The following ALG9 variants were observed in gnomAD, a reference collection of about 807,000 sequenced individuals.
ALG9 encodes the protein alpha-1,2-mannosyltransferase ALG9.
Under a neutral mutation model 81.8 loss-of-function variants are expected in ALG9, and 55 were observed. The observed-to-expected ratio is 0.67, with a 90% CI of 0.54 to 0.84. The LOEUF (loss-of-function observed/expected upper bound fraction) is 0.84, where lower values mean the gene tolerates loss of function less well. Among genes scored for constraint, ALG9 ranks in the 40% least tolerant of loss-of-function variants. The pLI is 0.00. For missense variants in ALG9, 629 were observed against 745.0 expected (o/e 0.84, Z 1.81); for synonymous variants, 278 against 274.3 (o/e 1.01, Z -0.13).
intron 14 of ALG9, among the ~76,000 whole-genome samples, chr11:111,799,388 G>A (rs1168399606): frequency 1.3e-5 from 2 of 151,206 alleles, no homozygotes; most frequent in Non-Finnish European, 2.9e-5. Flanking sequence ...TGATCCGCTC[G>A]CCTTGGCCTC....
intron 1 of ALG9, among the ~76,000 whole-genome samples, 187 bp from the exon 2 acceptor site, chr11:111,870,557 A>C (rs1555157631): frequency 1.3e-5 from 2 of 152,092 alleles, no homozygotes; most frequent in Non-Finnish European, 2.9e-5. Flanking sequence ...TCAGATTTTT[A>C]AGAAAAAATT....
intron 14 of ALG9, among the ~76,000 whole-genome samples, chr11:111,804,132 C>CAAAAAAAAAAAAAAAAAAAA (rs140492079): frequency 2.3e-5 from 2 of 85,370 alleles, no homozygotes; most frequent in South Asian, 3.8e-4. Context: ...GACTCCATCT[C>CAAAAAAAAAAAAAAAAAAAA]AAAAAAAAAA....
intron 3 of ALG9, among the ~76,000 whole-genome samples, chr11:111,867,416 G>A (rs953361147): frequency 2.0e-5 from 3 of 152,008 alleles, no homozygotes; most frequent in South Asian, 2.1e-4. Context: ...AATTTAAAGC[G>A]GGCTTTGTAA....
In ALG9 at chr11:111,871,447, G is replaced by A; in HGVS notation, c.36C>T (p.Gly12=). The A allele has an allele frequency of 6.5e-7, 1 of 1,536,644 alleles. No homozygotes were observed. The highest frequency in any genetic ancestry group is 8.7e-7 in the Non-Finnish European group (1 of 1,146,702). Residue 12 remains glycine (G), a synonymous_variant, in exon 1 of 15, where the codon GGC becomes GGT. Transcript: ENST00000616540. The part of the protein sequence containing the change: ...ASRGARQRLK[G]SGASSGDTAP... The stretch of plus-strand genomic sequence containing the variant: ...CCGTATCCCCACTGCTGGCCCCGCT[G>A]CCCTTCAGGCGCTGCCGAGCCCCTC...
the ALG9 span, among the ~76,000 whole-genome samples, chr11:111,776,723 T>C: frequency 6.6e-6 from 1 of 152,324 alleles, no homozygotes; most frequent in South Asian, 2.1e-4. Context: ...TCATGAAGAA[T>C]AGAATCCCCT....
At position 111,800,964 on chromosome 11, in the gene ALG9, C is replaced by T. The variant is rs146959352; in HGVS notation, c.1733+8679G>A. ...AACATTTGAGAAATTAACCTACTTA[C>T]ATTTCTAAACAAATCATGTGGCTAT... On this transcript the variant is annotated intron_variant, in intron 14 of 14. Transcript: ENST00000616540. 2.7e-3 allele frequency among the ~76,000 whole-genome samples: 414 copies of T among 152,328 alleles called. 2 individuals are homozygous for T. The highest frequency in any genetic ancestry group is 0.016 in the South Asian group (76 of 4,830).
chr11:111,793,743 A>G (rs909469870), intron 14 of ALG9, among the ~76,000 whole-genome samples: 2 of 149,628 alleles, frequency 1.3e-5, no homozygotes, highest in South Asian at 4.3e-4. Context: ...CCTGGGTGAC[A>G]GAGTGAGAGT....
intron 3 of ALG9, among the ~76,000 whole-genome samples, chr11:111,866,251 C>T (rs954873725): frequency 1.2e-4 from 19 of 152,136 alleles, no homozygotes; most frequent in African/African-American, 3.6e-4. Flanking sequence ...GAGCCGAGAT[C>T]GTGCCACTGC....
At chr11:111,832,319 C>T (rs1242585040) in intron 13 of ALG9, among the ~76,000 whole-genome samples, 3 of 151,984 alleles carry the variant, frequency 2.0e-5, no homozygotes, top group African/African-American at 7.3e-5. Context: ...CTATGTTGTC[C>T]AGGCTGGAGT....
chr11:111,786,624 A>C, intron 14 of ALG9, 104 bp from the exon 15 acceptor site: 1 of 1,303,664 alleles, frequency 7.7e-7, no homozygotes, highest in Non-Finnish European at 1.1e-6. Flanking sequence ...TAAGGATTAT[A>C]TTTTATTCAA....
intron 5 of ALG9, among the ~76,000 whole-genome samples, chr11:111,858,893 T>C (rs1959135245): frequency 6.6e-6 from 1 of 152,192 alleles, no homozygotes; most frequent in Non-Finnish European, 1.5e-5. Flanking sequence ...AGGAATTTTC[T>C]ACATATAAAG....
intron 8 of ALG9, among the ~76,000 whole-genome samples, chr11:111,852,899 G>A (rs1256521096): frequency 8.3e-5 from 12 of 144,314 alleles, no homozygotes; most frequent in African/African-American, 2.1e-4. Context: ...CCAAGATCGC[G>A]CCACTGCACT....
chr11:111,823,533 C>T (rs192142277), intron 13 of ALG9, among the ~76,000 whole-genome samples: 1 of 152,264 alleles, frequency 6.6e-6, no homozygotes, highest in East Asian at 1.9e-4. Context: ...AAAATAAGAT[C>T]ATTCAATTCT....
chr11:111,857,823 C>G, intron 5 of ALG9, 86 bp from the exon 6 acceptor site: 1 of 1,466,944 alleles, frequency 6.8e-7, no homozygotes, highest in Non-Finnish European at 9.4e-7. Flanking sequence ...TAAAAATTTA[C>G]CTACATTATA....
intron 13 of ALG9, among the ~76,000 whole-genome samples, chr11:111,813,455 AGCT>A (rs1951029582): frequency 6.6e-6 from 1 of 152,160 alleles, no homozygotes; most frequent in Non-Finnish European, 1.5e-5. Context: ...TAAAAAAATT[AGCT>A]GGGCATGGTG....
At position 111,825,602 on chromosome 11, in the gene ALG9, T is replaced by C. The variant is rs534099351; in HGVS notation, c.1602+10563A>G. ...GACTCAACTCCTATGCTACCTCTTATGTGAGGCTGAAGTACGAAGAGTTTT... is the reference window on the plus strand; with the variant it reads ...GACTCAACTCCTATGCTACCTCTTACGTGAGGCTGAAGTACGAAGAGTTTT... On this transcript the variant is annotated intron_variant, in intron 13 of 14. Coordinates refer to ENST00000616540, the MANE Select transcript of ALG9 (RefSeq NM_024740.2). 2.6e-5 allele frequency among the ~76,000 whole-genome samples: 4 copies of C among 152,352 alleles called. No homozygotes were observed. The East Asian group carries it at 5.8e-4, about 22-fold the overall frequency.
intron 3 of ALG9, 148 bp from the exon 4 acceptor site, chr11:111,865,399 C>T (rs1555151961): frequency 3.2e-6 from 2 of 630,754 alleles, no homozygotes; most frequent in African/African-American, 3.7e-5. Context: ...TTTTCATATC[C>T]CTTGACTCAA....
rs1555157382 is a variant in ALG9, at chr11:111,870,382, C to CCAAAAAAAA, written c.132-13_132-12insTTTTTTTTG. On this transcript the variant is annotated splice_polypyrimidine_tract_variant and intron_variant, in intron 1 of 14. Coordinates refer to ENST00000616540, the MANE Select transcript of ALG9 (RefSeq NM_024740.2). ...TGTTCCCAGATAACCTGTTCAAAAG[C>CCAAAAAAAA]AAAAAAAAAAAAAAAAAAAAAAGCA... 32 of 973,920 alleles carry CCAAAAAAAA rather than the reference C, an allele frequency of 3.3e-5. No homozygotes were observed. The highest frequency in any genetic ancestry group is 9.2e-5 in the Admixed American group (1 of 10,854). The allele number at this position is 973,920 out of a possible 1,614,324, so 60.3% of individuals were successfully genotyped here.
chr11:111,786,552 A>C, intron 14 of ALG9, 32 bp from the exon 15 acceptor site: 1 of 1,611,940 alleles, frequency 6.2e-7, no homozygotes, highest in Middle Eastern at 1.7e-4. Context: ...AAAGAATTTT[A>C]TCACTTGGGA....
Sources: allele counts gnomAD v4.1 joint callset (sites outside exome capture counted in the v4.1 genomes callset), GRCh38; gene constraint gnomAD v4.1.1; transcripts MANE v1.5; gene names NCBI Gene and HGNC (gene_info 2026-07-23, HGNC 2026-07-21).